Variants in PSMB2 observed in about 807,000 individuals in gnomAD.
The protein encoded by PSMB2 is proteasome subunit beta type-2.
A neutral mutation model predicts 25.7 loss-of-function variants in PSMB2; 13 were observed. That is an observed-to-expected ratio of 0.51 (90% CI 0.33 to 0.80). PSMB2 has a LOEUF of 0.80. Among genes scored for constraint, PSMB2 ranks in the 30% least tolerant of loss-of-function variants. PSMB2 has a pLI of 0.02. For synonymous variants in PSMB2, 87 were observed against 96.2 expected, an observed-to-expected ratio of 0.90 and a Z score of 0.56; for missense variants, 202 against 259.0, an observed-to-expected ratio of 0.78 and a Z score of 1.51.
intron 1 of PSMB2, among the ~76,000 whole-genome samples, chr1:35,636,998 T>C (rs1651261336): frequency 2.6e-5 from 4 of 152,316 alleles, no homozygotes; most frequent in Non-Finnish European, 4.4e-5. Flanking sequence ...TTGGAGAATA[T>C]ACATGAAAGC....
At chr1:35,640,207 A>C (rs1454429453) in intron 1 of PSMB2, among the ~76,000 whole-genome samples, 1 of 152,204 alleles carries the variant, frequency 6.6e-6, no homozygotes. Flanking sequence ...CTACTGTTGA[A>C]AAAGTATTAA....
chr1:35,634,086 T>C (rs764992660), intron 2 of PSMB2, among the ~76,000 whole-genome samples: 5 of 151,994 alleles, frequency 3.3e-5, no homozygotes, highest in Non-Finnish European at 5.9e-5. Context: ...TGGATAAGAG[T>C]TCATTAGCCC....
chr1:35,635,167 G>A (rs146649744), intron 2 of PSMB2, among the ~76,000 whole-genome samples: 1,834 of 151,984 alleles, frequency 0.012, 34 homozygotes, highest in East Asian at 0.059. Context: ...GCTGAGGCAG[G>A]AGGATTGCTT....
At chr1:35,641,248 C>T in intron 1 of PSMB2, 94 bp downstream of exon 1, 1 of 1,499,788 alleles carries the variant, frequency 6.7e-7, no homozygotes, top group Non-Finnish European at 9.1e-7. Flanking sequence ...TTCCATCTCT[C>T]AGATCCTCCC....
intron 4 of PSMB2, among the ~76,000 whole-genome samples, chr1:35,606,962 T>C (rs947556960): frequency 6.6e-6 from 1 of 152,228 alleles, no homozygotes; most frequent in African/African-American, 2.4e-5. Flanking sequence ...ACAGTCTGTC[T>C]CTTCAATAAA....
Position 35,605,401 on chromosome 1 carries a change from AGGC to A in PSMB2, c.449-122_449-120del. On this transcript the variant is annotated intron_variant, in intron 4 of 5. Transcript: ENST00000373237. ...GGTCTCAGTGCCACACAAACGTAAA[AGGC>A]AAAAAATGCTTTGCCTTCTAGCCTG... The A allele has an allele frequency of 7.8e-6, 8 of 1,022,664 alleles. No homozygotes were observed. The Admixed American group carries it at 8.5e-5, about 11-fold the overall frequency. The allele number at this position is 1,022,664 out of a possible 1,614,324, so 63.3% of individuals were successfully genotyped here. A position where few individuals can be genotyped will look rare whatever the true frequency, so the allele number is the denominator to read the frequency against.
chr1:35,602,086 A>G lies in PSMB2; in HGVS notation c.*1181T>C. On this transcript the variant is annotated 3_prime_UTR_variant, in exon 6 of 6. Transcript: ENST00000373237. ...GGTGGCTCACGCCTGTAATCCCAGC[A>G]CTGGGAAGCCAAGGCAGGCAGACTG... The G allele has an allele frequency of 5.4e-6, 2 of 368,110 alleles. No individual in the cohort carries two copies. Among genetic ancestry groups the G allele is most frequent in the African/African-American group, 2.2e-5 (1 of 45,434 alleles). 22.8% of individuals were successfully genotyped at this position (368,110 alleles called of 1,614,324 possible).
At position 35,609,352 on chromosome 1, in the gene PSMB2, C is replaced by T. The variant is rs1300078727; in HGVS notation, c.342G>A (p.Ala114=). 3.7e-6 allele frequency: 6 copies of T among 1,610,362 alleles called. No homozygotes were observed. Among genetic ancestry groups the T allele is most frequent in the African/African-American group, 2.7e-5 (2 of 74,762 alleles). Residue 114 remains alanine, a synonymous_variant, in exon 4 of 6, where the codon GCG becomes GCA. Coordinates refer to ENST00000373237, the MANE Select transcript of PSMB2 (RefSeq NM_002794.5). ...CTGCCAGGTAGTCCATGTAATACAG[C>T]GCTGGCCCTTCATGCTCATCATAGC... is the stretch of plus-strand genomic sequence containing the variant. ...LAGYDEHEGP[A]LYYMDYLAAL...
chr1:35,627,882 G>A (rs1486539328), intron 3 of PSMB2, among the ~76,000 whole-genome samples: 1 of 152,122 alleles, frequency 6.6e-6, no homozygotes, highest in East Asian at 1.9e-4. Flanking sequence ...TATATACTCA[G>A]TGGTAGTAAA....
At chr1:35,639,319 T>C (rs1278654964) in intron 1 of PSMB2, among the ~76,000 whole-genome samples, 2 of 152,146 alleles carry the variant, frequency 1.3e-5, no homozygotes, top group East Asian at 1.9e-4. Flanking sequence ...TTATAATTTG[T>C]TTTATACCAG....
At chr1:35,611,990 T>C (rs1038526049) in intron 3 of PSMB2, among the ~76,000 whole-genome samples, 6 of 152,098 alleles carry the variant, frequency 3.9e-5, no homozygotes, top group South Asian at 2.1e-4. Flanking sequence ...TATTATATAC[T>C]TACTTGGAAT....
At chr1:35,632,019 A>G (rs563463113) in intron 2 of PSMB2, among the ~76,000 whole-genome samples, 11 of 152,256 alleles carry the variant, frequency 7.2e-5, no homozygotes, top group Admixed American at 6.5e-5. Context: ...CCCTGTCTCT[A>G]AAAAAACGAA....
At chr1:35,641,291 T>A (rs890417009) in intron 1 of PSMB2, 51 bp downstream of exon 1, 1 of 1,609,586 alleles carries the variant, frequency 6.2e-7, no homozygotes, top group Admixed American at 1.7e-5. Context: ...AAACTCCTTC[T>A]GGCCGCTCCT....
At chr1:35,634,721 T>G (rs1651196321) in intron 2 of PSMB2, among the ~76,000 whole-genome samples, 1 of 151,818 alleles carries the variant, frequency 6.6e-6, no homozygotes, top group Non-Finnish European at 1.5e-5. Context: ...CTCTGAGATA[T>G]CTAACACTTA....
intron 1 of PSMB2, among the ~76,000 whole-genome samples, chr1:35,637,716 T>G (rs2148579503): frequency 6.6e-6 from 1 of 152,282 alleles, no homozygotes; most frequent in Admixed American, 6.5e-5. Flanking sequence ...TTCTTAGACT[T>G]GGAGGGAAAA....
chr1:35,638,722 A>T (rs945555226), intron 1 of PSMB2, among the ~76,000 whole-genome samples: 4 of 152,206 alleles, frequency 2.6e-5, no homozygotes, highest in Admixed American at 6.5e-5. Context: ...AAGAGAAAAG[A>T]GACATGAAAT....
chr1:35,619,595 C>G (rs1456590370), intron 3 of PSMB2, among the ~76,000 whole-genome samples: 3 of 151,930 alleles, frequency 2.0e-5, no homozygotes, highest in African/African-American at 7.3e-5. Flanking sequence ...AATTTTACAA[C>G]CAAAAAAATT....
rs1365063596 is a variant in PSMB2 at position 35,602,087 on chromosome 1, C to T, written c.*1180G>A. ...GTGGCTCACGCCTGTAATCCCAGCA[C>T]TGGGAAGCCAAGGCAGGCAGACTGC... On this transcript the variant is annotated 3_prime_UTR_variant, in exon 6 of 6. Coordinates refer to ENST00000373237, the MANE Select transcript of PSMB2 (RefSeq NM_002794.5). 2.7e-6 allele frequency: 1 copy of T among 369,660 alleles called. No homozygotes were observed. The highest frequency in any genetic ancestry group is 3.7e-6 in the Non-Finnish European group (1 of 267,430). 22.9% of individuals were successfully genotyped at this position (369,660 alleles called of 1,614,324 possible). A position where few individuals can be genotyped will look rare whatever the true frequency, so the allele number is the denominator to read the frequency against.
Position 35,641,438 on chromosome 1 carries a change from C to A in PSMB2, c.-6G>T, listed in dbSNP as rs766071331. The A allele has an allele frequency of 6.2e-6, 10 of 1,614,050 alleles. No homozygotes were observed. Among genetic ancestry groups the A allele is most frequent in the Non-Finnish European group, 8.5e-6 (10 of 1,179,998 alleles). ...ATACCGATGAGGTACTCCATGGTGG[C>A]GGAAGGCCAGGGGCTGCAGGTCCGA... On this transcript the variant is annotated 5_prime_UTR_variant, in exon 1 of 6. Transcript: ENST00000373237.
Sources: allele counts gnomAD v4.1 joint callset (sites outside exome capture counted in the v4.1 genomes callset), GRCh38; gene constraint gnomAD v4.1.1; transcripts MANE v1.5; gene names NCBI Gene and HGNC (gene_info 2026-07-23, HGNC 2026-07-21).